Variants in PDLIM5 observed in about 807,000 individuals in gnomAD.
The protein encoded by PDLIM5 is PDZ and LIM domain 5, also known as PDZ and LIM domain protein 5.
A neutral mutation model predicts 64.2 loss-of-function variants in PDLIM5; 34 were observed. That is an observed-to-expected ratio of 0.53 (90% CI 0.40 to 0.71). PDLIM5 has a LOEUF of 0.71. Ranked by LOEUF, PDLIM5 falls within the 30% of genes least tolerant of loss-of-function variation. The pLI is 0.00. For missense variants in PDLIM5, 683 were observed against 733.6 expected (o/e 0.93, Z 0.80); for synonymous variants, 253 against 269.1 (o/e 0.94, Z 0.59).
At chr4:94,621,855 T>C (rs1046993988) in intron 8 of PDLIM5, among the ~76,000 whole-genome samples, 1 of 152,162 alleles carries the variant, frequency 6.6e-6, no homozygotes, top group Non-Finnish European at 1.5e-5. Flanking sequence ...AAAACTACAA[T>C]ATAAAACATT....
intron 3 of PDLIM5, among the ~76,000 whole-genome samples, chr4:94,562,707 C>A (rs190700103): frequency 1.0e-3 from 155 of 152,200 alleles, no homozygotes; most frequent in African/African-American, 3.6e-3. Flanking sequence ...CATTTTAGGT[C>A]ATTTCTTAAT....
At chr4:94,513,660 C>A (rs1261164377) in intron 2 of PDLIM5, among the ~76,000 whole-genome samples, 1 of 152,164 alleles carries the variant, frequency 6.6e-6, no homozygotes, top group African/African-American at 2.4e-5. Context: ...ATCATATCAT[C>A]TGCAAATAAG....
chr4:94,557,415 T>G (rs1386823122), intron 3 of PDLIM5, among the ~76,000 whole-genome samples: 1 of 152,218 alleles, frequency 6.6e-6, no homozygotes, highest in Non-Finnish European at 1.5e-5. Flanking sequence ...ATATGAACTT[T>G]AAAGTAGTTT....
chr4:94,639,183 A>G (rs1174932734), intron 8 of PDLIM5, among the ~76,000 whole-genome samples: 1 of 152,162 alleles, frequency 6.6e-6, no homozygotes, highest in Non-Finnish European at 1.5e-5. Context: ...CCCATTCACA[A>G]GAAAAAGTGA....
intron 3 of PDLIM5, among the ~76,000 whole-genome samples, chr4:94,536,439 A>T (rs1338724593): frequency 4.6e-5 from 7 of 152,326 alleles, no homozygotes; most frequent in African/African-American, 1.7e-4. Context: ...TATTTCCTGG[A>T]TGAAAAGGAG....
intron 7 of PDLIM5, among the ~76,000 whole-genome samples, chr4:94,604,690 C>T (rs1041046623): frequency 2.0e-5 from 3 of 151,960 alleles, no homozygotes; most frequent in Non-Finnish European, 4.4e-5. Flanking sequence ...TGCTGGTTAC[C>T]ACAGGCTAGG....
intron 5 of PDLIM5, chr4:94,579,530 G>A: frequency 2.2e-6 from 3 of 1,369,370 alleles, no homozygotes; most frequent in Non-Finnish European, 2.0e-6. Context: ...GAAAACACAA[G>A]TGACAAAGTT....
At chr4:94,577,485 T>A (rs563535973) in intron 5 of PDLIM5, 48 of 338,880 alleles carry the variant, frequency 1.4e-4, no homozygotes, top group Admixed American at 1.6e-4. Context: ...ATATATATAT[T>A]GAGGAAAACT....
chr4:94,653,994 G>T (rs1200878051), intron 9 of PDLIM5, among the ~76,000 whole-genome samples: 1 of 152,076 alleles, frequency 6.6e-6, no homozygotes, highest in Admixed American at 6.6e-5. Flanking sequence ...TCAGGTAATA[G>T]TTATTACTAT....
intron 9 of PDLIM5, among the ~76,000 whole-genome samples, chr4:94,646,977 A>G (rs1158261518): frequency 6.6e-6 from 1 of 152,216 alleles, no homozygotes; most frequent in Non-Finnish European, 1.5e-5. Flanking sequence ...CACTTTCCCC[A>G]AAAAACCCAT....
chr4:94,527,887 C>T (rs1158594135), intron 3 of PDLIM5, among the ~76,000 whole-genome samples: 4 of 152,212 alleles, frequency 2.6e-5, no homozygotes, highest in African/African-American at 4.8e-5. Flanking sequence ...AAGAAAGTTA[C>T]TGGTGTGAAC....
intron 3 of PDLIM5, among the ~76,000 whole-genome samples, chr4:94,563,985 ACAGAGTCTTACTCTGTCTCC>A (rs1261863187): frequency 7.9e-6 from 1 of 126,560 alleles, no homozygotes; most frequent in African/African-American, 3.0e-5. Context: ...CTGTTTTGAG[ACAGAGTCTTACTCTGTCTCC>A]CAGGCTGAAA....
chr4:94,561,196 G>A (rs1224621856), intron 3 of PDLIM5, among the ~76,000 whole-genome samples: 1 of 152,148 alleles, frequency 6.6e-6, no homozygotes, highest in Non-Finnish European at 1.5e-5. Flanking sequence ...TTCGGAATGA[G>A]GAAGAACACT....
At chr4:94,609,310 A>G (rs1184681218) in intron 7 of PDLIM5, among the ~76,000 whole-genome samples, 1 of 152,170 alleles carries the variant, frequency 6.6e-6, no homozygotes, top group Non-Finnish European at 1.5e-5. Flanking sequence ...ACGTTTATAC[A>G]CTCTTTTTAT....
intron 8 of PDLIM5, among the ~76,000 whole-genome samples, chr4:94,636,416 CAA>C (rs71581597): frequency 0.023 from 2,910 of 128,006 alleles, 98 homozygotes; most frequent in African/African-American, 0.079. Flanking sequence ...TTTAAAAAGG[CAA>C]AAAAAAAAAA....
At chr4:94,587,431 G>T in intron 7 of PDLIM5, 1 of 1,005,348 alleles carries the variant, frequency 9.9e-7, no homozygotes, top group Non-Finnish European at 1.2e-6. Flanking sequence ...AGAGGATAAT[G>T]AGCAAATAAA....
intron 5 of PDLIM5, among the ~76,000 whole-genome samples, chr4:94,576,592 C>A (rs144047776): frequency 4.6e-5 from 7 of 152,294 alleles, no homozygotes; most frequent in African/African-American, 1.4e-4. Context: ...AGAATTTATT[C>A]TTTAAAAGCA....
chr4:94,648,480 C>T (rs956004050), intron 9 of PDLIM5, among the ~76,000 whole-genome samples: 4 of 152,108 alleles, frequency 2.6e-5, no homozygotes, highest in African/African-American at 7.2e-5. Context: ...CCACCATGCT[C>T]GGCTAATTTT....
intron 2 of PDLIM5, among the ~76,000 whole-genome samples, chr4:94,468,011 A>G (rs936901736): frequency 1.3e-5 from 2 of 152,248 alleles, no homozygotes; most frequent in Non-Finnish European, 2.9e-5. Context: ...AACTCCTAGA[A>G]CTGAACCTAA....
Sources: allele counts gnomAD v4.1 joint callset (sites outside exome capture counted in the v4.1 genomes callset), GRCh38; gene constraint gnomAD v4.1.1; transcripts MANE v1.5; gene names NCBI Gene and HGNC (gene_info 2026-07-23, HGNC 2026-07-21).